Variants in PDSS2 observed in about 807,000 individuals in gnomAD.
PDSS2 encodes the protein all trans-polyprenyl-diphosphate synthase PDSS2.
Under a neutral mutation model 44.5 loss-of-function variants are expected in PDSS2, and 31 were observed. That is an observed-to-expected ratio of 0.70 (90% CI 0.52 to 0.94). The LOEUF is 0.94. Among genes scored for constraint, PDSS2 ranks in the 40% least tolerant of loss-of-function variants. The probability of loss-of-function intolerance (pLI) is 0.00; values close to 1 mark genes in which losing one functional copy is unlikely to be tolerated. For synonymous variants in PDSS2, 157 were observed against 180.3 expected, an observed-to-expected ratio of 0.87 and a Z score of 1.03; for missense variants, 452 against 482.2, an observed-to-expected ratio of 0.94 and a Z score of 0.59.
intron 1 of PDSS2, among the ~76,000 whole-genome samples, chr6:107,401,004 G>GAAGTA: frequency 6.6e-6 from 1 of 152,194 alleles, no homozygotes; most frequent in Non-Finnish European, 1.5e-5. Context: ...CCATAGCCCA[G>GAAGTA]CCCGTTGCAT....
chr6:107,396,677 T>TC, intron 1 of PDSS2, among the ~76,000 whole-genome samples: 1 of 93,704 alleles, frequency 1.1e-5, no homozygotes, highest in East Asian at 2.3e-4. Context: ...TCTTCTTTTT[T>TC]CTTTTTTTTT....
intron 7 of PDSS2, among the ~76,000 whole-genome samples, chr6:107,175,329 C>T (rs1186313405): frequency 1.3e-5 from 2 of 152,064 alleles, no homozygotes; most frequent in East Asian, 1.9e-4. Flanking sequence ...TTTCATTTTA[C>T]AAAGGAACAA....
At chr6:107,198,238 G>A (rs1457202958) in intron 6 of PDSS2, among the ~76,000 whole-genome samples, 1 of 152,138 alleles carries the variant, frequency 6.6e-6, no homozygotes, top group African/African-American at 2.4e-5. Flanking sequence ...ACCCAGTAGG[G>A]ACACATTGTT....
intron 1 of PDSS2, among the ~76,000 whole-genome samples, chr6:107,457,695 A>G (rs927789527): frequency 7.2e-5 from 11 of 152,228 alleles, no homozygotes; most frequent in Non-Finnish European, 1.6e-4. Flanking sequence ...TCCTAATTGA[A>G]GAAGATGAAA....
intron 1 of PDSS2, among the ~76,000 whole-genome samples, chr6:107,433,959 G>T (rs1414117006): frequency 2.0e-5 from 3 of 151,986 alleles, no homozygotes; most frequent in African/African-American, 7.2e-5. Flanking sequence ...CTTAAAGTGG[G>T]CAAAAGAAGA....
intron 2 of PDSS2, among the ~76,000 whole-genome samples, chr6:107,287,055 CAA>C (rs60313845): frequency 6.6e-6 from 1 of 151,720 alleles, no homozygotes; most frequent in Non-Finnish European, 1.5e-5. Context: ...CAAAACAAAA[CAA>C]AAAAAAGGAA....
intron 2 of PDSS2, among the ~76,000 whole-genome samples, chr6:107,281,169 T>C (rs1446428392): frequency 6.6e-6 from 1 of 152,014 alleles, no homozygotes; most frequent in Non-Finnish European, 1.5e-5. Flanking sequence ...GACTTAAGGA[T>C]CCTAAAGAGG....
intron 2 of PDSS2, among the ~76,000 whole-genome samples, chr6:107,313,055 A>T (rs1159734932): frequency 2.0e-5 from 3 of 152,196 alleles, no homozygotes; most frequent in African/African-American, 7.2e-5. Context: ...CTTAGTTTGA[A>T]AACTATATCA....
chr6:107,207,079 G>A (rs1299564106), intron 6 of PDSS2, among the ~76,000 whole-genome samples: 2 of 151,006 alleles, frequency 1.3e-5, no homozygotes, highest in Non-Finnish European at 2.9e-5. Context: ...TGCAACCTCC[G>A]CTTCCTGGGT....
At chr6:107,328,391 T>G (rs567450209) in intron 2 of PDSS2, among the ~76,000 whole-genome samples, 1 of 152,288 alleles carries the variant, frequency 6.6e-6, no homozygotes, top group Non-Finnish European at 1.5e-5. Context: ...CTCGGAAAGT[T>G]ACTTCACCTG....
rs1289234957 is a variant in PDSS2, at chr6:107,161,766, C to G, written c.1042-6989G>C. Among the ~76,000 whole-genome samples the G allele has an allele frequency of 2.0e-5, 3 of 152,276 alleles. No individual in the cohort carries two copies. The South Asian group carries it at 6.2e-4, about 32-fold the overall frequency. ...ACAGTTTGGCCTTTACAGAAAAAGT[C>G]TGCTGACTCAAGTACTAGTGCTATG... On this transcript the variant is annotated intron_variant, in intron 7 of 7. Transcript: ENST00000369037.
chr6:107,189,112 A>G (rs1772278744), intron 7 of PDSS2, among the ~76,000 whole-genome samples: 1 of 152,126 alleles, frequency 6.6e-6, no homozygotes, highest in African/African-American at 2.4e-5. Flanking sequence ...CAGTGACACA[A>G]TCTCAGCTGA....
chr6:107,245,496 T>C, intron 4 of PDSS2, 52 bp downstream of exon 4: 1 of 926,272 alleles, frequency 1.1e-6, no homozygotes, highest in South Asian at 1.6e-5. Context: ...GTTATTCTAG[T>C]TGTACCACGA....
chr6:107,350,539 T>TA (rs1778399457), intron 1 of PDSS2, among the ~76,000 whole-genome samples: 1 of 152,220 alleles, frequency 6.6e-6, no homozygotes. Flanking sequence ...AGGCCAGGTT[T>TA]AGTGGCTCAT....
intron 7 of PDSS2, among the ~76,000 whole-genome samples, chr6:107,189,161 C>G (rs1217041039): frequency 2.0e-5 from 3 of 152,208 alleles, no homozygotes; most frequent in Non-Finnish European, 4.4e-5. Flanking sequence ...AATCCTCCCA[C>G]CTCAGCCTCC....
intron 1 of PDSS2, among the ~76,000 whole-genome samples, chr6:107,367,717 C>G (rs1779001438): frequency 7.0e-6 from 1 of 143,620 alleles, no homozygotes; most frequent in Admixed American, 7.3e-5. Flanking sequence ...ACCCGGGAGG[C>G]GGAGGTTGCA....
intron 1 of PDSS2, among the ~76,000 whole-genome samples, chr6:107,402,777 C>G (rs1205402525): frequency 6.6e-6 from 1 of 151,570 alleles, no homozygotes; most frequent in East Asian, 2.0e-4. Flanking sequence ...TAAACTAGAA[C>G]TAGAACTCAC....
At chr6:107,254,448 A>G (rs911355409) in intron 3 of PDSS2, among the ~76,000 whole-genome samples, 2 of 152,222 alleles carry the variant, frequency 1.3e-5, no homozygotes, top group African/African-American at 4.8e-5. Flanking sequence ...TACTATAAAA[A>G]CTATAATAAA....
chr6:107,438,240 GCT>G (rs1453193496), intron 1 of PDSS2, among the ~76,000 whole-genome samples: 1 of 151,726 alleles, frequency 6.6e-6, no homozygotes, highest in African/African-American at 2.4e-5. Flanking sequence ...ATGGAGTCTC[GCT>G]CTGTCACCCA....
Sources: gnomAD v4.1 joint callset for allele counts (sites outside exome capture counted in the v4.1 genomes callset) on GRCh38, gnomAD v4.1.1 for gene constraint, MANE v1.5 for transcripts, NCBI Gene and HGNC (gene_info 2026-07-23, HGNC 2026-07-21) for gene names.